GRM1: variants seen among roughly 807,000 people sequenced by gnomAD.
GRM1 encodes the protein glutamate metabotropic receptor 1, also known as metabotropic glutamate receptor 1.
In GRM1, 33 loss-of-function variants were observed where a neutral mutation model predicts 90.9. The observed-to-expected ratio is 0.36, with a 90% CI of 0.28 to 0.49. The LOEUF (loss-of-function observed/expected upper bound fraction) is 0.49. GRM1 is among the 20% of genes least tolerant of loss of function. The pLI is 0.99. For missense variants in GRM1, 1,190 were observed against 1,534.3 expected (o/e 0.78, Z 3.75); for synonymous variants, 700 against 613.2 (o/e 1.14, Z -2.09).
At chr6:146,261,562 T>C (rs1408002592) in intron 2 of GRM1, among the ~76,000 whole-genome samples, 1 of 152,208 alleles carries the variant, frequency 6.6e-6, no homozygotes, top group Non-Finnish European at 1.5e-5. Flanking sequence ...AAATCTTCAT[T>C]AATTTAACAT....
chr6:146,060,111 G>GCTTTTCA (rs1562436413), intron 1 of GRM1, among the ~76,000 whole-genome samples: 1 of 152,056 alleles, frequency 6.6e-6, no homozygotes, highest in Non-Finnish European at 1.5e-5. Flanking sequence ...AAGGGGTCTA[G>GCTTTTCA]CTTTTCACTT....
chr6:146,143,333 T>C (rs1327951980), intron 1 of GRM1, among the ~76,000 whole-genome samples: 2 of 152,156 alleles, frequency 1.3e-5, no homozygotes, highest in Non-Finnish European at 2.9e-5. Context: ...TGGGGTTAAA[T>C]AGGAGGAGAC....
intron 1 of GRM1, among the ~76,000 whole-genome samples, chr6:146,061,733 G>A (rs1775677011): frequency 6.6e-6 from 1 of 151,878 alleles, no homozygotes; most frequent in Admixed American, 6.6e-5. Flanking sequence ...TCATCACTAT[G>A]ATGATGAGTG....
At position 146,159,415 on chromosome 6, in the gene GRM1, C is replaced by T; in HGVS notation, c.768C>T (p.Ala256=). ...ELAAQEGLCI[A]HSDKIYSNAG... is the part of the protein sequence containing the mutation. ...CTGCCCAGGAAGGCCTCTGTATCGC[C>T]CATTCTGACAAAATCTACAGCAACG... The change falls in exon 2 of 8, where the codon GCC becomes GCT. Residue 256 remains alanine, a synonymous_variant. Coordinates refer to ENST00000282753, the MANE Select transcript of GRM1 (RefSeq NM_001278064.2). The T allele has an allele frequency of 6.2e-7, 1 of 1,614,182 alleles. No individual in the cohort carries two copies.
chr6:146,133,363 T>G (rs1489243638), intron 1 of GRM1, among the ~76,000 whole-genome samples: 1 of 152,202 alleles, frequency 6.6e-6, no homozygotes, highest in Non-Finnish European at 1.5e-5. Flanking sequence ...AAAGGAAAAT[T>G]AGACACTAAC....
chr6:146,285,975 T>C (rs1210512259), intron 2 of GRM1, among the ~76,000 whole-genome samples: 1 of 152,324 alleles, frequency 6.6e-6, no homozygotes, highest in African/African-American at 2.4e-5. Flanking sequence ...AGGAAGTTAT[T>C]TTTTTGCATG....
chr6:146,394,896 A>T (rs538956124), intron 6 of GRM1, among the ~76,000 whole-genome samples: 2 of 152,264 alleles, frequency 1.3e-5, no homozygotes, highest in South Asian at 4.1e-4. Flanking sequence ...AATGTCCCAT[A>T]CATTTTTTTC....
intron 1 of GRM1, among the ~76,000 whole-genome samples, chr6:146,149,890 C>A (rs1777258144): frequency 6.6e-6 from 1 of 152,032 alleles, no homozygotes; most frequent in Non-Finnish European, 1.5e-5. Context: ...CTTTGATTGC[C>A]CAGTGTGAGG....
intron 2 of GRM1, among the ~76,000 whole-genome samples, chr6:146,261,106 G>A (rs1342837736): frequency 6.6e-6 from 1 of 151,978 alleles, no homozygotes; most frequent in Admixed American, 6.6e-5. Flanking sequence ...GACCAAGCTG[G>A]CTGTACTGTG....
chr6:146,066,385 T>TA (rs772408346), intron 1 of GRM1, among the ~76,000 whole-genome samples: 3 of 152,336 alleles, frequency 2.0e-5, no homozygotes, highest in Non-Finnish European at 4.4e-5. Context: ...TCCATGTTGC[T>TA]ACAAAGGACA....
At chr6:146,281,464 C>T (rs753498731) in intron 2 of GRM1, among the ~76,000 whole-genome samples, 16 of 152,108 alleles carry the variant, frequency 1.1e-4, no homozygotes, top group Admixed American at 3.3e-4. Flanking sequence ...ACTCAGACTC[C>T]TAAAGAAATT....
intron 1 of GRM1, among the ~76,000 whole-genome samples, chr6:146,130,303 T>C (rs1751444389): frequency 1.3e-5 from 2 of 150,226 alleles, no homozygotes; most frequent in Admixed American, 6.6e-5. Flanking sequence ...CAAATAATTT[T>C]GTGAAGAATT....
intron 2 of GRM1, among the ~76,000 whole-genome samples, chr6:146,266,743 A>G (rs1781902198): frequency 6.6e-6 from 1 of 152,238 alleles, no homozygotes; most frequent in African/African-American, 2.4e-5. Flanking sequence ...CGTGCTAACG[A>G]AGGGCTCTGG....
chr6:146,175,766 A>G (rs553581730), intron 2 of GRM1, among the ~76,000 whole-genome samples: 4 of 152,242 alleles, frequency 2.6e-5, no homozygotes, highest in East Asian at 1.9e-4. Context: ...AAAGATGTAT[A>G]TGCTATACCT....
At chr6:146,100,628 C>T (rs1401176785) in intron 1 of GRM1, among the ~76,000 whole-genome samples, 2 of 152,126 alleles carry the variant, frequency 1.3e-5, no homozygotes, top group African/African-American at 4.8e-5. Flanking sequence ...AATAAACATC[C>T]ACTGCCTTAA....
At chr6:146,267,401 C>T (rs1426834735) in intron 2 of GRM1, among the ~76,000 whole-genome samples, 1 of 151,982 alleles carries the variant, frequency 6.6e-6, no homozygotes, top group Non-Finnish European at 1.5e-5. Context: ...GAGTAATATA[C>T]TCATGTATTA....
At chr6:146,037,680 A>G (rs1243645124) in intron 1 of GRM1, among the ~76,000 whole-genome samples, 1 of 151,848 alleles carries the variant, frequency 6.6e-6, no homozygotes, top group Admixed American at 6.6e-5. Flanking sequence ...TCCAACATTC[A>G]TGTGTTTGTC....
At chr6:146,095,555 A>T (rs1776848068) in intron 1 of GRM1, among the ~76,000 whole-genome samples, 1 of 152,026 alleles carries the variant, frequency 6.6e-6, no homozygotes, top group South Asian at 2.1e-4. Flanking sequence ...AAATATCTTC[A>T]TATTTCTTCT....
intron 1 of GRM1, among the ~76,000 whole-genome samples, chr6:146,085,124 T>A (rs1776495987): frequency 6.6e-6 from 1 of 152,088 alleles, no homozygotes; most frequent in Admixed American, 6.6e-5. Context: ...GGGCAGAAAA[T>A]GATTTTCTAA....
Sources: allele counts gnomAD v4.1 joint callset (sites outside exome capture counted in the v4.1 genomes callset), GRCh38; gene constraint gnomAD v4.1.1; transcripts MANE v1.5; gene names NCBI Gene and HGNC (gene_info 2026-07-23, HGNC 2026-07-21).